Variants in AKAP3 observed in about 807,000 individuals in gnomAD.
The protein encoded by AKAP3 is A-kinase anchor protein 3.
In AKAP3, 27 loss-of-function variants were observed where a neutral mutation model predicts 57.2. That is an observed-to-expected ratio of 0.47 (90% CI 0.35 to 0.65). AKAP3 has a LOEUF of 0.65. Among genes scored for constraint, AKAP3 ranks in the 30% least tolerant of loss-of-function variants. The pLI is 0.01. For missense variants in AKAP3, 959 were observed against 1,040.0 expected, an observed-to-expected ratio of 0.92 and a Z score of 1.07; for synonymous variants, 334 against 392.3, an observed-to-expected ratio of 0.85 and a Z score of 1.76.
chr12:4,632,379 T>C lies in AKAP3; in HGVS notation c.97-3574A>G, dbSNP rs193109322. Among the ~76,000 whole-genome samples, 4 of 152,302 alleles carry C rather than the reference T, an allele frequency of 2.6e-5. No individual in the cohort carries two copies. The East Asian group carries it at 7.7e-4, about 29-fold the overall frequency. ...AGCTGGTGTGTGATGTTCCCAATTA[T>C]ATACCCCTCACCCTAGTTTTTTTGT... On this transcript the variant is annotated intron_variant, in intron 4 of 5. Transcript: ENST00000228850.
At chr12:4,619,215 G>T (rs932503582) in intron 5 of AKAP3, among the ~76,000 whole-genome samples, 5 of 152,210 alleles carry the variant, frequency 3.3e-5, no homozygotes, top group African/African-American at 1.2e-4. Context: ...TGGTGAAAAT[G>T]TAAAATGCTA....
In AKAP3 at chr12:4,628,574, C is replaced by T. The variant is rs774318330; in HGVS notation, c.328G>A (p.Gly110Ser). ...EMTHKEIPCQ[G>S]PRAQLGNGSS... ...CCGTTGCCAAGTTGGGCCCTGGGGC[C>T]CTGGCAAGGAATCTCTTTGTGAGTC... The change falls in exon 5 of 6, where the codon GGC becomes AGC. Residue 110 changes from glycine to serine, a missense_variant. Gly to Ser is a moderately conservative substitution (Grantham distance 56, BLOSUM62 0). Coordinates refer to ENST00000228850, the MANE Select transcript of AKAP3 (RefSeq NM_001278309.2). 1.2e-6 allele frequency: 2 copies of T among 1,614,022 alleles called. No individual in the cohort carries two copies. Among genetic ancestry groups the T allele is most frequent in the Non-Finnish European group, 1.7e-6 (2 of 1,180,024 alleles).
intron 4 of AKAP3, among the ~76,000 whole-genome samples, chr12:4,633,478 C>A (rs1945525169): frequency 6.6e-6 from 1 of 152,046 alleles, no homozygotes; most frequent in South Asian, 2.1e-4. Context: ...AGGGGTTAAT[C>A]CAACTGTAGT....
chr12:4,639,757 C>A (rs918459293), intron 3 of AKAP3, among the ~76,000 whole-genome samples: 1 of 151,456 alleles, frequency 6.6e-6, no homozygotes, highest in African/African-American at 2.4e-5. Context: ...GACATGAACT[C>A]ATCTTTTTTT....
chr12:4,619,904 C>G (rs796404649), intron 5 of AKAP3, among the ~76,000 whole-genome samples: 7 of 152,088 alleles, frequency 4.6e-5, no homozygotes, highest in African/African-American at 1.7e-4. Flanking sequence ...GTGTAAAGAG[C>G]CTGATGTAAA....
At chr12:4,617,674 C>T (rs1290012298) in intron 5 of AKAP3, among the ~76,000 whole-genome samples, 1 of 151,628 alleles carries the variant, frequency 6.6e-6, no homozygotes, top group Non-Finnish European at 1.5e-5. Context: ...ATTGCTTGAA[C>T]CCAGGAGGCT....
At chr12:4,638,273 G>A in intron 3 of AKAP3, 77 bp from the exon 4 acceptor site, 1 of 1,031,224 alleles carries the variant, frequency 9.7e-7, no homozygotes, top group Non-Finnish European at 1.5e-6. Flanking sequence ...ATGTGGTAAA[G>A]GGCTAAAGCA....
At chr12:4,640,807 A>T (rs148179769) in intron 3 of AKAP3, among the ~76,000 whole-genome samples, 10 of 152,304 alleles carry the variant, frequency 6.6e-5, no homozygotes, top group Non-Finnish European at 1.5e-4. Flanking sequence ...CATCACCAAG[A>T]GAACTGTGTA....
chr12:4,627,447 CTG>C lies in AKAP3; in HGVS notation c.1453_1454del (p.Gln485AlafsTer2). 6.2e-7 allele frequency: 1 copy of C among 1,613,982 alleles called. No homozygotes were observed. The highest frequency in any genetic ancestry group is 8.5e-7 in the Non-Finnish European group (1 of 1,179,970). ...AGGAAATGTCTGATGCAGGCTTACG[CTG>C]TGTGTTGGGAGCTTCAAATGCTGCA... ...QHAAFEAPNT[Q>X]RKPASDISFE... On this transcript the variant is annotated frameshift_variant, in exon 5 of 6. Transcript: ENST00000228850. LOFTEE classifies it high-confidence loss of function.
chr12:4,635,741 C>T (rs950172966), intron 4 of AKAP3: 10 of 717,026 alleles, frequency 1.4e-5, no homozygotes, highest in Admixed American at 7.8e-5. Flanking sequence ...TGCTAGGCTA[C>T]GGTATCATTC....
rs917569750 is a variant in AKAP3, at chr12:4,625,517, C to T, written c.2406+979G>A. 6.6e-6 allele frequency among the ~76,000 whole-genome samples: 1 copy of T among 152,100 alleles called. No individual in the cohort carries two copies. The highest frequency in any genetic ancestry group is 2.4e-5 in the African/African-American group (1 of 41,398). ...AAGCGTTGCTAATACCATGTAAATA[C>T]CACTTAATTAAGCAGAGAAAGCCTG... On this transcript the variant is annotated intron_variant, in intron 5 of 5. Coordinates refer to ENST00000228850, the MANE Select transcript of AKAP3 (RefSeq NM_001278309.2). The surrounding 1 kb of genome is among the most constrained non-coding windows in gnomAD (Gnocchi z 5.4).
Position 4,648,753 on chromosome 12 carries a change from C to A in AKAP3, c.-253G>T. On this transcript the variant is annotated 5_prime_UTR_variant, in exon 1 of 6. Transcript: ENST00000228850. The stretch of plus-strand genomic sequence containing the variant: ...TCTTCCTCCGGACTCACCAGGGCTG[C>A]CAGCTTAGCTTACATTTTCAGGGAA... 1 of 211,158 alleles carries A rather than the reference C, an allele frequency of 4.7e-6. No homozygotes were observed. The highest frequency in any genetic ancestry group is 9.5e-6 in the Non-Finnish European group (1 of 105,612). The allele number at this position is 211,158 out of a possible 1,614,324, so 13.1% of individuals were successfully genotyped here. A position where few individuals can be genotyped will look rare whatever the true frequency, so the allele number is the denominator to read the frequency against.
Position 4,626,979 on chromosome 12 carries a change from A to G in AKAP3, c.1923T>C (p.Tyr641=). Residue 641 remains tyrosine (Y), a synonymous_variant, in exon 5 of 6, where the codon TAT becomes TAC. Transcript: ENST00000228850. ...GGGCACCAGGGGTCTCATCATCCTCATATAGCCTGGGGGGAGAAGACGCCA... is the reference window on the plus strand; with the variant it reads ...GGGCACCAGGGGTCTCATCATCCTCGTATAGCCTGGGGGGAGAAGACGCCA... ...RPLASSPPRL[Y]EDDETPGALS... is the part of the protein sequence containing the mutation. 1 of 1,614,090 alleles carries G rather than the reference A, an allele frequency of 6.2e-7. No individual in the cohort carries two copies. The highest frequency in any genetic ancestry group is 1.3e-5 in the African/African-American group (1 of 75,012).
At chr12:4,616,924 A>G (rs1945292272) in intron 5 of AKAP3, among the ~76,000 whole-genome samples, 1 of 152,178 alleles carries the variant, frequency 6.6e-6, no homozygotes, top group Admixed American at 6.5e-5. Context: ...ATAATAGATG[A>G]GAGTATTCCT....
intron 4 of AKAP3, among the ~76,000 whole-genome samples, chr12:4,633,970 C>CTTTT (rs59050368): frequency 7.2e-6 from 1 of 138,054 alleles, no homozygotes; most frequent in Admixed American, 7.2e-5. Context: ...TATCTATATT[C>CTTTT]TTTTTTTTTT....
chr12:4,615,625 GATA>G lies in AKAP3; in HGVS notation c.*111_*113del. The stretch of plus-strand genomic sequence containing the variant: ...ATGTCTTTGATGAGAGTGGTGTGAA[GATA>G]ATGTTAGGGCTCTGTGAGGATATAG... On this transcript the variant is annotated 3_prime_UTR_variant, in exon 6 of 6. Transcript: ENST00000228850. 2 of 1,322,578 alleles carry G rather than the reference GATA, an allele frequency of 1.5e-6. No individual in the cohort carries two copies. Among genetic ancestry groups the G allele is most frequent in the South Asian group, 3.0e-5 (2 of 66,060 alleles). The allele number at this position is 1,322,578 out of a possible 1,614,324, so 81.9% of individuals were successfully genotyped here.
Position 4,627,985 on chromosome 12 carries a change from A to G in AKAP3, c.917T>C (p.Ile306Thr), listed in dbSNP as rs199664599. ...MMVSIMKTLK[I>T]QVKDTTIATI... ...GGCAATGGTTGTGTCTTTCACTTGG[A>G]TCTTCAGTGTCTTCATGATGGAGAC... The change falls in exon 5 of 6, where the codon ATC (isoleucine) becomes ACC (threonine). Residue 306 changes from isoleucine to threonine, a missense_variant. Transcript: ENST00000228850. The G allele has an allele frequency of 3.1e-4, 502 of 1,613,828 alleles. 5 individuals carry two copies. Among genetic ancestry groups the G allele is most frequent in the Non-Finnish European group, 2.9e-5 (34 of 1,179,972 alleles).
At position 4,627,455 on chromosome 12, in the gene AKAP3, T is replaced by C. The variant is rs760092151; in HGVS notation, c.1447A>G (p.Asn483Asp). ...TCTGATGCAGGCTTACGCTGTGTGT[T>C]GGGAGCTTCAAATGCTGCATGCTGG... Reference protein sequence around the residue: ...GFQHAAFEAPNTQRKPASDIS... With the variant: ...GFQHAAFEAPDTQRKPASDIS... Residue 483 changes from asparagine to aspartate, a missense_variant, in exon 5 of 6, where the codon AAC (asparagine) becomes GAC (aspartate). By Grantham distance (23) the Asn-to-Asp change is conservative. Transcript: ENST00000228850. The C allele has an allele frequency of 1.9e-6, 3 of 1,614,096 alleles. 1 individual carries two copies. In the South Asian group the frequency reaches 3.3e-5, roughly 18 times the overall value.
intron 4 of AKAP3, chr12:4,635,732 G>T: frequency 1.4e-6 from 1 of 719,138 alleles, no homozygotes; most frequent in African/African-American, 1.7e-5. Context: ...GTACATTGGT[G>T]CTAGGCTACG....
Sources: allele counts gnomAD v4.1 joint callset (sites outside exome capture counted in the v4.1 genomes callset), GRCh38; gene constraint gnomAD v4.1.1; non-coding constraint Gnocchi (gnomAD v3.1); transcripts MANE v1.5; gene names NCBI Gene and HGNC (gene_info 2026-07-23, HGNC 2026-07-21).